MYO1B: variants seen among roughly 807,000 people sequenced by gnomAD.
The protein encoded by MYO1B is unconventional myosin-Ib.
In MYO1B, 72 loss-of-function variants were observed where a neutral mutation model predicts 159.7. That is an observed-to-expected ratio of 0.45 (90% CI 0.37 to 0.55). MYO1B has a LOEUF of 0.55. Ranked by LOEUF, MYO1B falls within the 20% of genes least tolerant of loss-of-function variation. MYO1B has a pLI of 0.00. For missense variants in MYO1B, 1,062 were observed against 1,364.8 expected, an observed-to-expected ratio of 0.78 and a Z score of 3.50; for synonymous variants, 468 against 473.8, an observed-to-expected ratio of 0.99 and a Z score of 0.16.
chr2:191,280,710 G>A lies in MYO1B; in HGVS notation c.135+3680G>A, dbSNP rs140551143. Among the ~76,000 whole-genome samples, 5 of 152,310 alleles carry A rather than the reference G, an allele frequency of 3.3e-5. No homozygotes were observed. In the South Asian group the frequency reaches 1.0e-3, roughly 32 times the overall value. On this transcript the variant is annotated intron_variant, in intron 2 of 30. Transcript: ENST00000392318. ...CCAAAGTAGATAGGCTGTATGTGAG[G>A]GGGTGGGTTCCCAACCAAATATATC...
chr2:191,356,551 G>A (rs965887412), intron 7 of MYO1B, among the ~76,000 whole-genome samples: 1 of 151,848 alleles, frequency 6.6e-6, no homozygotes, highest in African/African-American at 2.4e-5. Flanking sequence ...ACAAACATAC[G>A]TTTACCATGA....
At chr2:191,381,933 AG>A (rs1217936480) in intron 14 of MYO1B, among the ~76,000 whole-genome samples, 1 of 152,240 alleles carries the variant, frequency 6.6e-6, no homozygotes, top group Non-Finnish European at 1.5e-5. Flanking sequence ...AATATCAAAA[AG>A]TATTGAGTAT....
intron 3 of MYO1B, among the ~76,000 whole-genome samples, chr2:191,317,094 G>C (rs545804202): frequency 7.2e-5 from 11 of 152,252 alleles, no homozygotes; most frequent in Admixed American, 7.2e-4. Context: ...GTAGCTCTTG[G>C]TAGCTTTAGC....
At position 191,317,548 on chromosome 2, in the gene MYO1B, T is replaced by C. The variant is rs1406139406; in HGVS notation, c.252-12387T>C. On this transcript the variant is annotated intron_variant, in intron 3 of 30. Coordinates refer to ENST00000392318, the MANE Select transcript of MYO1B (RefSeq NM_001130158.3). Reference sequence around the variant, plus strand: ...AACGTGCAGGTTTGTTACATATGTATACATGCACTATGTTGATGTGCTCCA... The same window carrying C: ...AACGTGCAGGTTTGTTACATATGTACACATGCACTATGTTGATGTGCTCCA... Among the ~76,000 whole-genome samples, 3 of 152,246 alleles carry C rather than the reference T, an allele frequency of 2.0e-5. No homozygotes were observed. The East Asian group carries it at 5.8e-4, about 29-fold the overall frequency.
At chr2:191,409,969 C>T (rs1014687581) in intron 26 of MYO1B, among the ~76,000 whole-genome samples, 18 of 152,146 alleles carry the variant, frequency 1.2e-4, no homozygotes, top group African/African-American at 2.9e-4. Flanking sequence ...CTGCCCAGCA[C>T]GGTGGGCTTG....
At chr2:191,276,850 G>A (rs1213439998) in intron 1 of MYO1B, 37 bp from the exon 2 acceptor site, 1 of 1,568,282 alleles carries the variant, frequency 6.4e-7, no homozygotes. Flanking sequence ...AAATTATTTT[G>A]CTCGTTTAAA....
chr2:191,389,082 T>C (rs1384188570), intron 17 of MYO1B, among the ~76,000 whole-genome samples: 1 of 152,222 alleles, frequency 6.6e-6, no homozygotes, highest in Non-Finnish European at 1.5e-5. Flanking sequence ...CTTTGTGGCC[T>C]TTATTGATAA....
Position 191,393,224 on chromosome 2 carries a change from T to TA in MYO1B, c.2226+4dup. 1 of 1,613,810 alleles carries TA rather than the reference T, an allele frequency of 6.2e-7. No homozygotes were observed. Among genetic ancestry groups the TA allele is most frequent in the Non-Finnish European group, 8.5e-7 (1 of 1,179,790 alleles). On this transcript the variant is annotated splice_region_variant and intron_variant, in intron 20 of 30. Transcript: ENST00000392318. ...GCCGCCTGGTACAGGAGATATGCGG[T>TA]AAGAGTCTCAGTCATTTTAAATCAG...
chr2:191,409,243 A>C, intron 26 of MYO1B, 65 bp downstream of exon 26: 1 of 1,506,464 alleles, frequency 6.6e-7, no homozygotes, highest in Non-Finnish European at 9.1e-7. Context: ...TTAAAAACAC[A>C]TAAAATCAAA....
intron 2 of MYO1B, among the ~76,000 whole-genome samples, chr2:191,280,218 T>C (rs1687975740): frequency 6.6e-6 from 1 of 152,246 alleles, no homozygotes; most frequent in Non-Finnish European, 1.5e-5. Context: ...CCTGTCGTAC[T>C]AAACCTGAAG....
At chr2:191,250,443 G>A (rs1686041443) in intron 1 of MYO1B, among the ~76,000 whole-genome samples, 1 of 152,100 alleles carries the variant, frequency 6.6e-6, no homozygotes, top group South Asian at 2.1e-4. Context: ...TGGTACCTCC[G>A]CCAACTCTCT....
chr2:191,423,486 A>G (rs965891764), intron 30 of MYO1B, among the ~76,000 whole-genome samples: 3 of 152,226 alleles, frequency 2.0e-5, no homozygotes, highest in Admixed American at 2.0e-4. Flanking sequence ...GCCCTACATT[A>G]GGAGAGCTAT....
chr2:191,369,188 A>T lies in MYO1B; in HGVS notation c.1033-354A>T. On this transcript the variant is annotated intron_variant, in intron 11 of 30. Coordinates refer to ENST00000392318, the MANE Select transcript of MYO1B (RefSeq NM_001130158.3). ...TGATTTTCATAACCATCACTCTCTG[A>T]TGACTATGTAACATTACTCTCAGTG... Among the ~76,000 whole-genome samples, 2 of 152,162 alleles carry T rather than the reference A, an allele frequency of 1.3e-5. 1 individual carries two copies. The highest frequency in any genetic ancestry group is 3.9e-4 in the East Asian group (2 of 5,186).
chr2:191,330,183 C>T (rs1691376228), intron 4 of MYO1B, among the ~76,000 whole-genome samples, 154 bp downstream of exon 4: 1 of 152,156 alleles, frequency 6.6e-6, no homozygotes. Flanking sequence ...ACAGAATGTT[C>T]TCTGGACTCC....
At chr2:191,247,896 A>G in intron 1 of MYO1B, 1 of 980,760 alleles carries the variant, frequency 1.0e-6, no homozygotes, top group African/African-American at 1.7e-5. Flanking sequence ...CCTTCCCAGG[A>G]TGAATCATCA....
intron 10 of MYO1B, 83 bp downstream of exon 10, chr2:191,363,958 TTTTGC>T: frequency 2.6e-6 from 4 of 1,556,494 alleles, no homozygotes; most frequent in Non-Finnish European, 3.5e-6. Context: ...AAAGTAAAAT[TTTTGC>T]TTTGCATTGG....
chr2:191,415,418 C>T (rs1378502856), intron 29 of MYO1B, among the ~76,000 whole-genome samples: 4 of 152,108 alleles, frequency 2.6e-5, no homozygotes, highest in African/African-American at 9.7e-5. Context: ...GCCTGTTTAC[C>T]CTACTTTGGA....
chr2:191,374,869 G>A (rs1474165648), intron 13 of MYO1B, among the ~76,000 whole-genome samples: 2 of 152,144 alleles, frequency 1.3e-5, no homozygotes, highest in Non-Finnish European at 2.9e-5. Context: ...TGATTTCTGA[G>A]AAATATTTAT....
At chr2:191,350,125 G>A in intron 6 of MYO1B, 37 bp from the exon 7 acceptor site, 1 of 1,557,360 alleles carries the variant, frequency 6.4e-7, no homozygotes, top group Non-Finnish European at 8.9e-7. Flanking sequence ...AACATTTTGA[G>A]ATGAACTAGA....
Sources: gnomAD v4.1 joint callset for allele counts (sites outside exome capture counted in the v4.1 genomes callset) on GRCh38, gnomAD v4.1.1 for gene constraint, MANE v1.5 for transcripts, NCBI Gene and HGNC (gene_info 2026-07-23, HGNC 2026-07-21) for gene names.